PTK2: variants seen among roughly 807,000 people sequenced by gnomAD.
PTK2 encodes protein tyrosine kinase 2.
A neutral mutation model predicts 150.1 loss-of-function variants in PTK2; 45 were observed. That is an observed-to-expected ratio of 0.30 (90% CI 0.24 to 0.38). PTK2 has a LOEUF of 0.38. Among genes scored for constraint, PTK2 ranks in the 10% least tolerant of loss-of-function variants. The pLI is 1.00. For synonymous variants in PTK2, 432 were observed against 449.2 expected (o/e 0.96, Z 0.48); for missense variants, 919 against 1,307.3 (o/e 0.70, Z 4.58).
chr8:140,669,973 T>C (rs1433557335), intron 29 of PTK2: 12 of 518,358 alleles, frequency 2.3e-5, no homozygotes, highest in African/African-American at 5.7e-5. Flanking sequence ...CCATGCACCA[T>C]GCTCAGTTAC....
intron 1 of PTK2, among the ~76,000 whole-genome samples, chr8:140,999,547 A>G (rs2100199182): frequency 6.6e-6 from 1 of 152,226 alleles, no homozygotes; most frequent in African/African-American, 2.4e-5. Flanking sequence ...GGGCTTTTCT[A>G]ATTAATTGGC....
chr8:140,792,216 T>C (rs2100088909), intron 13 of PTK2, among the ~76,000 whole-genome samples: 1 of 152,180 alleles, frequency 6.6e-6, no homozygotes, highest in Non-Finnish European at 1.5e-5. Flanking sequence ...GTACAAAAAA[T>C]GTGGTTTATG....
chr8:140,683,585 G>C (rs888384362), intron 27 of PTK2, among the ~76,000 whole-genome samples: 1 of 151,976 alleles, frequency 6.6e-6, no homozygotes. Flanking sequence ...GATGAACATA[G>C]ATACAAAATT....
intron 1 of PTK2, among the ~76,000 whole-genome samples, chr8:140,954,504 C>T (rs2100180561): frequency 6.6e-6 from 1 of 152,032 alleles, no homozygotes; most frequent in African/African-American, 2.4e-5. Flanking sequence ...TATAATGTAC[C>T]AGACAGTATT....
intron 1 of PTK2, among the ~76,000 whole-genome samples, chr8:140,943,985 T>C (rs1040627953): frequency 2.6e-5 from 4 of 152,218 alleles, no homozygotes; most frequent in East Asian, 1.9e-4. Context: ...CTGAAGTGTT[T>C]GTATATTTTG....
At chr8:140,890,450 A>T in intron 3 of PTK2, 93 bp downstream of exon 3, 1 of 1,082,398 alleles carries the variant, frequency 9.2e-7, no homozygotes, top group Non-Finnish European at 1.3e-6. Context: ...CCGATAAGTT[A>T]AATAAAAATT....
chr8:140,787,225 G>A (rs372091251), intron 14 of PTK2, among the ~76,000 whole-genome samples: 2 of 152,066 alleles, frequency 1.3e-5, no homozygotes, highest in African/African-American at 4.8e-5. Flanking sequence ...AATTCAGGGG[G>A]GTGTTAAAGC....
At chr8:140,753,574 C>T (rs114454868) in intron 16 of PTK2, among the ~76,000 whole-genome samples, 3 of 152,082 alleles carry the variant, frequency 2.0e-5, no homozygotes, top group African/African-American at 7.3e-5. Context: ...AGGTCAGGGA[C>T]AAGAGTGGAA....
intron 4 of PTK2, among the ~76,000 whole-genome samples, chr8:140,870,878 T>G (rs1406858049): frequency 6.6e-6 from 1 of 152,146 alleles, no homozygotes; most frequent in Non-Finnish European, 1.5e-5. Flanking sequence ...AGAGCAGTAG[T>G]TCTGAACCTT....
intron 1 of PTK2, among the ~76,000 whole-genome samples, chr8:141,000,485 G>T (rs2100199719): frequency 6.6e-6 from 1 of 152,152 alleles, no homozygotes; most frequent in Non-Finnish European, 1.5e-5. Flanking sequence ...CCCTGCCGAC[G>T]TCCCTGCGAT....
chr8:140,981,961 C>T (rs990774917), intron 1 of PTK2, among the ~76,000 whole-genome samples: 3 of 151,630 alleles, frequency 2.0e-5, no homozygotes, highest in African/African-American at 7.3e-5. Context: ...ATATTTTACA[C>T]ATATTCTTTT....
chr8:140,929,356 A>G (rs2100170896), intron 1 of PTK2, among the ~76,000 whole-genome samples: 1 of 152,224 alleles, frequency 6.6e-6, no homozygotes, highest in Admixed American at 6.5e-5. Flanking sequence ...AATTATGTTT[A>G]CTTTTATAAA....
chr8:140,689,387 G>C (rs1389289160), intron 26 of PTK2, among the ~76,000 whole-genome samples: 2 of 152,200 alleles, frequency 1.3e-5, no homozygotes, highest in African/African-American at 4.8e-5. Context: ...TCAAGGTCAG[G>C]AAAGATTTCG....
chr8:140,958,589 C>T (rs1262065546), intron 1 of PTK2, among the ~76,000 whole-genome samples: 1 of 152,232 alleles, frequency 6.6e-6, no homozygotes, highest in East Asian at 1.9e-4. Context: ...ACAGTACCCA[C>T]TAGTCACGTG....
At chr8:140,747,696 GGGA>G (rs1382138686) in intron 17 of PTK2, among the ~76,000 whole-genome samples, 1 of 86,498 alleles carries the variant, frequency 1.2e-5, no homozygotes, top group Non-Finnish European at 2.4e-5. Flanking sequence ...AGGAGGAGGA[GGGA>G]GGAGGAGGGG....
At chr8:140,773,209 A>G (rs903149506) in intron 14 of PTK2, among the ~76,000 whole-genome samples, 1 of 152,230 alleles carries the variant, frequency 6.6e-6, no homozygotes, top group Non-Finnish European at 1.5e-5. Flanking sequence ...CATAAAAACA[A>G]AAACAAAAAG....
intron 1 of PTK2, among the ~76,000 whole-genome samples, chr8:140,970,620 C>A (rs778135244): frequency 4.6e-5 from 7 of 152,238 alleles, no homozygotes; most frequent in Non-Finnish European, 1.0e-4. Context: ...ACCATCACCA[C>A]GACTTGTGCC....
intron 15 of PTK2, among the ~76,000 whole-genome samples, chr8:140,761,858 T>C (rs1317442187): frequency 6.6e-6 from 1 of 152,114 alleles, no homozygotes; most frequent in Non-Finnish European, 1.5e-5. Context: ...GAATCAAGGT[T>C]GGATGTATCA....
intron 10 of PTK2, 79 bp from the exon 11 acceptor site, chr8:140,803,729 C>T (rs1254509417): frequency 1.8e-5 from 23 of 1,298,572 alleles, no homozygotes; most frequent in Middle Eastern, 3.7e-4. Flanking sequence ...TCTGTGAAAT[C>T]CTCGTTGTCC....
Sources: gnomAD v4.1 joint callset for allele counts (sites outside exome capture counted in the v4.1 genomes callset) on GRCh38, gnomAD v4.1.1 for gene constraint, MANE v1.5 for transcripts, NCBI Gene and HGNC (gene_info 2026-07-23, HGNC 2026-07-21) for gene names.